The following ABCC1 variants were observed in gnomAD, a reference collection of about 807,000 sequenced individuals.
ABCC1 encodes multidrug resistance-associated protein 1.
ABCC1 carries 83 observed loss-of-function variants against 172.9 expected under a neutral mutation model. That is an observed-to-expected ratio of 0.48 (90% CI 0.40 to 0.58). The LOEUF (loss-of-function observed/expected upper bound fraction) is 0.58. Among genes scored for constraint, ABCC1 ranks in the 20% least tolerant of loss-of-function variants. ABCC1 has a pLI of 0.00. For synonymous variants in ABCC1, 937 were observed against 825.2 expected (o/e 1.14, Z -2.32); for missense variants, 1,817 against 2,002.7 (o/e 0.91, Z 1.77).
At chr16:16,056,807 T>C (rs1020799233) in intron 12 of ABCC1, among the ~76,000 whole-genome samples, 5 of 148,712 alleles carry the variant, frequency 3.4e-5, no homozygotes, top group Admixed American at 6.8e-5. Flanking sequence ...CCGTTCGTTA[T>C]CTATTTACTG....
chr16:16,008,253 G>A (rs1277457689), intron 2 of ABCC1, among the ~76,000 whole-genome samples: 3 of 152,062 alleles, frequency 2.0e-5, no homozygotes, highest in South Asian at 2.1e-4. Flanking sequence ...TATGCAATAG[G>A]AATGATAGGC....
At chr16:16,134,610 C>A in intron 28 of ABCC1, 102 bp downstream of exon 28, 1 of 1,045,812 alleles carries the variant, frequency 9.6e-7, no homozygotes, top group Non-Finnish European at 1.4e-6. Flanking sequence ...ATACATTTGG[C>A]CCTACTTCAT....
chr16:16,131,819 C>T lies in ABCC1; in HGVS notation c.3850C>T (p.Pro1284Ser). Residue 1284 changes from proline to serine, a missense_variant, in exon 27 of 31, where the codon CCC becomes TCC. Around this residue, in one of 3 missense-constraint regions of ABCC1, gnomAD observed 1,412 missense variants for 1,600.3 expected, o/e 0.88. Coordinates refer to ENST00000399410, the MANE Select transcript of ABCC1 (RefSeq NM_004996.4). ...APWQIQETAPPSSWPQVGRVE... is the reference protein window; with the variant it reads ...APWQIQETAPSSSWPQVGRVE... ...CTGGCAAATCCAGGAGACAGCTCCG[C>T]CCAGCAGCTGGCCCCAGGTGGGCCG... The T allele has an allele frequency of 4.3e-6, 7 of 1,614,142 alleles. No individual in the cohort carries two copies. Among genetic ancestry groups the T allele is most frequent in the Non-Finnish European group, 5.9e-6 (7 of 1,180,004 alleles).
At chr16:16,047,646 GC>G (rs560029756) in intron 9 of ABCC1, among the ~76,000 whole-genome samples, 38 of 152,046 alleles carry the variant, frequency 2.5e-4, no homozygotes, top group Non-Finnish European at 1.6e-4. Context: ...GCGCAGGACA[GC>G]CCCCCAAAGA....
At chr16:16,046,607 A>T (rs748852405) in intron 9 of ABCC1, among the ~76,000 whole-genome samples, 3 of 152,046 alleles carry the variant, frequency 2.0e-5, no homozygotes, top group Admixed American at 6.6e-5. Flanking sequence ...AGCCTCCCAA[A>T]GTGCTGGGAT....
At chr16:16,052,975 C>A (rs2049496585) in intron 11 of ABCC1, among the ~76,000 whole-genome samples, 159 bp downstream of exon 11, 1 of 152,192 alleles carries the variant, frequency 6.6e-6, no homozygotes, top group African/African-American at 2.4e-5. Flanking sequence ...GATGCCCCGG[C>A]TGCATATCTG....
chr16:16,071,207 C>A (rs1046152232), intron 13 of ABCC1, among the ~76,000 whole-genome samples: 6 of 151,994 alleles, frequency 3.9e-5, no homozygotes, highest in African/African-American at 1.5e-4. Flanking sequence ...GCCTCAGCCT[C>A]CCGAGTAGCT....
intron 22 of ABCC1, among the ~76,000 whole-genome samples, chr16:16,114,167 A>C (rs754929068): frequency 6.6e-6 from 1 of 152,208 alleles, no homozygotes; most frequent in Non-Finnish European, 1.5e-5. Context: ...CAGTATACTA[A>C]GGGCAAAGGC....
chr16:15,959,523 A>C (rs1269408439), intron 1 of ABCC1, among the ~76,000 whole-genome samples: 3 of 151,974 alleles, frequency 2.0e-5, no homozygotes, highest in African/African-American at 7.3e-5. Context: ...TCAGGGTCTC[A>C]CCATGTTGCC....
chr16:16,141,642 C>T lies in ABCC1; in HGVS notation c.*361C>T, dbSNP rs1213657859. 1 of 248,594 alleles carries T rather than the reference C, an allele frequency of 4.0e-6. No homozygotes were observed. The highest frequency in any genetic ancestry group is 7.8e-6 in the Non-Finnish European group (1 of 128,880). 15.4% of individuals were successfully genotyped at this position (248,594 alleles called of 1,614,324 possible). A position where few individuals can be genotyped will look rare whatever the true frequency, so the allele number is the denominator to read the frequency against. On this transcript the variant is annotated 3_prime_UTR_variant, in exon 31 of 31. Transcript: ENST00000399410. ...GGAGGAATTGGTTGTATAGAAGATC[C>T]TAGTGACCAAATTCAGCCTACTGCC... is the stretch of plus-strand genomic sequence containing the variant.
At chr16:16,043,243 T>TTTTTTCC (rs1021835519) in intron 7 of ABCC1, among the ~76,000 whole-genome samples, 2 of 140,788 alleles carry the variant, frequency 1.4e-5, no homozygotes, top group African/African-American at 2.7e-5. Flanking sequence ...TTTTTTTTTT[T>TTTTTTCC]CCACTGATGT....
chr16:15,972,024 A>C (rs1191403700), intron 1 of ABCC1, among the ~76,000 whole-genome samples: 1 of 152,050 alleles, frequency 6.6e-6, no homozygotes, highest in African/African-American at 2.4e-5. Flanking sequence ...CGTTGAGGTC[A>C]CTCTGTGTTG....
At chr16:15,996,078 G>T (rs962585335) in intron 1 of ABCC1, among the ~76,000 whole-genome samples, 15 of 146,636 alleles carry the variant, frequency 1.0e-4, no homozygotes, top group African/African-American at 3.6e-4. Flanking sequence ...TCCACCTCCT[G>T]GGTTCAAGCG....
intron 24 of ABCC1, among the ~76,000 whole-genome samples, 177 bp downstream of exon 24, chr16:16,122,351 G>A (rs551694917): frequency 1.4e-4 from 21 of 152,244 alleles, no homozygotes; most frequent in African/African-American, 4.3e-4. Context: ...AGCAGACAGC[G>A]GCACTGTAGA....
chr16:16,046,086 GCCA>G, intron 9 of ABCC1, 73 bp downstream of exon 9: 1 of 1,523,906 alleles, frequency 6.6e-7, no homozygotes, highest in Non-Finnish European at 8.9e-7. Flanking sequence ...TTACTCTGGG[GCCA>G]GCGTGGGGAT....
intron 2 of ABCC1, among the ~76,000 whole-genome samples, chr16:16,008,997 C>G (rs1433926695): frequency 6.7e-6 from 1 of 150,030 alleles, no homozygotes; most frequent in Non-Finnish European, 1.5e-5. Context: ...TTTGCCCAGG[C>G]TGGAGTGCAA....
chr16:16,089,284 G>A (rs2051140112), intron 18 of ABCC1, among the ~76,000 whole-genome samples: 1 of 152,200 alleles, frequency 6.6e-6, no homozygotes, highest in South Asian at 2.1e-4. Flanking sequence ...GGTAGCGCAT[G>A]CCTGTAGTCC....
chr16:16,124,752 T>C, intron 24 of ABCC1, 37 bp from the exon 25 acceptor site: 2 of 1,613,506 alleles, frequency 1.2e-6, no homozygotes, highest in East Asian at 2.2e-5. Flanking sequence ...TAGAGCTGAC[T>C]CCATGCCTGT....
intron 4 of ABCC1, 128 bp from the exon 5 acceptor site, chr16:16,016,368 G>T (rs1449934486): frequency 1.7e-6 from 2 of 1,164,084 alleles, no homozygotes; most frequent in African/African-American, 1.5e-5. Context: ...TGACCAGGAT[G>T]GTCTCCAACT....
Sources: gnomAD v4.1 joint callset for allele counts (sites outside exome capture counted in the v4.1 genomes callset) on GRCh38, gnomAD v4.1.1 for gene constraint, gnomAD v4.1.1 regional missense constraint, MANE v1.5 for transcripts, NCBI Gene and HGNC (gene_info 2026-07-23, HGNC 2026-07-21) for gene names.